Variants in VPS4B observed in about 807,000 individuals in gnomAD.
VPS4B encodes the protein vacuolar protein sorting-associated protein 4B.
In VPS4B, 23 loss-of-function variants were observed where a neutral mutation model predicts 56.1. That is an observed-to-expected ratio of 0.41 (90% CI 0.30 to 0.58). The LOEUF is 0.58. VPS4B is among the 20% of genes least tolerant of loss of function. The pLI, the probability that VPS4B is intolerant of heterozygous loss-of-function variation, is 0.29. For synonymous variants in VPS4B, 177 were observed against 186.0 expected (o/e 0.95, Z 0.39); for missense variants, 372 against 531.9 (o/e 0.70, Z 2.96).
Position 63,397,253 on chromosome 18 carries a change from T to C in VPS4B, c.873A>G (p.Arg291=). 6.3e-7 allele frequency: 1 copy of C among 1,595,882 alleles called. No homozygotes were observed. The highest frequency in any genetic ancestry group is 8.5e-7 in the Non-Finnish European group (1 of 1,172,732). Residue 291 remains arginine, a splice_region_variant and synonymous_variant, in exon 9 of 11, where the codon AGA becomes AGG. Coordinates refer to ENST00000238497, the MANE Select transcript of VPS4B (RefSeq NM_004869.4). ...PWVLDSAIRR[R]FEKRIYIPLP... ...AGGGAATATAAATTCGTTTCTCAAA[T>C]CTTAAAAGAGAAATTACATCAAGAA...
In VPS4B at chr18:63,422,434, C is replaced by A. The variant is rs746708456; in HGVS notation, c.-175G>T. On this transcript the variant is annotated 5_prime_UTR_variant, in exon 1 of 11. Transcript: ENST00000238497. ...TTAGACAACACTCTCTCCACCAGAG[C>A]TCCGACCCTCCCCACCAAACTTCCG... 4.0e-5 allele frequency: 19 copies of A among 476,670 alleles called. No homozygotes were observed. Among genetic ancestry groups the A allele is most frequent in the African/African-American group, 1.8e-4 (9 of 49,706 alleles). 29.5% of individuals were successfully genotyped at this position (476,670 alleles called of 1,614,324 possible).
rs554047513 is a variant in VPS4B, at chr18:63,389,991, T to G, written c.*984A>C. Reference sequence around the variant, plus strand: ...CAATGTCTAATTTAGAAAATCTTCCTCTTGAGATTGCACAGTGAAAGGTAT... The same window carrying G: ...CAATGTCTAATTTAGAAAATCTTCCGCTTGAGATTGCACAGTGAAAGGTAT... On this transcript the variant is annotated 3_prime_UTR_variant, in exon 11 of 11. Coordinates refer to ENST00000238497, the MANE Select transcript of VPS4B (RefSeq NM_004869.4). 1.3e-5 allele frequency: 2 copies of G among 152,746 alleles called. No homozygotes were observed. The highest frequency in any genetic ancestry group is 1.3e-4 in the Admixed American group (2 of 15,302). 9.5% of individuals were successfully genotyped at this position (152,746 alleles called of 1,614,324 possible).
At chr18:63,391,113 AAT>A (rs1568081816) in intron 10 of VPS4B, 37 bp from the exon 11 acceptor site, 1 of 1,356,448 alleles carries the variant, frequency 7.4e-7, no homozygotes, top group Non-Finnish European at 1.0e-6. Context: ...GGATATTAAT[AAT>A]AGAGTTAACA....
At chr18:63,420,677 T>C (rs1568093166) in intron 1 of VPS4B, among the ~76,000 whole-genome samples, 2 of 152,066 alleles carry the variant, frequency 1.3e-5, no homozygotes, top group Non-Finnish European at 2.9e-5. Flanking sequence ...CCTTTCCAAA[T>C]AGGACTACAA....
At chr18:63,410,910 TC>T (rs1169851212) in intron 2 of VPS4B, among the ~76,000 whole-genome samples, 1 of 152,214 alleles carries the variant, frequency 6.6e-6, no homozygotes, top group Non-Finnish European at 1.5e-5. Context: ...AATACCAACA[TC>T]GTAAATTTTA....
rs1033308071 is a variant in VPS4B at position 63,413,470 on chromosome 18, C to T, written c.28-1892G>A. Reference sequence around the variant, plus strand: ...AGGAGAATTGCTTGAACCCGGGAGGCGGTGGTTGCAGTGAGCCAAGATCAT... The same window carrying T: ...AGGAGAATTGCTTGAACCCGGGAGGTGGTGGTTGCAGTGAGCCAAGATCAT... On this transcript the variant is annotated intron_variant, in intron 1 of 10. Transcript: ENST00000238497. Among the ~76,000 whole-genome samples the T allele has an allele frequency of 8.7e-5, 13 of 148,648 alleles. No homozygotes were observed. In the East Asian group the frequency reaches 9.9e-4, roughly 11 times the overall value.
chr18:63,419,400 G>C (rs2063903961), intron 1 of VPS4B, among the ~76,000 whole-genome samples: 1 of 151,650 alleles, frequency 6.6e-6, no homozygotes, highest in Non-Finnish European at 1.5e-5. Context: ...CTGGGCAATA[G>C]AGTGAGACTC....
intron 2 of VPS4B, among the ~76,000 whole-genome samples, chr18:63,410,793 T>C (rs1044873465): frequency 4.6e-5 from 7 of 152,190 alleles, no homozygotes; most frequent in African/African-American, 1.7e-4. Context: ...CAAACCCAAT[T>C]ATAAAAAAGA....
chr18:63,415,727 G>A, intron 1 of VPS4B: 1 of 241,366 alleles, frequency 4.1e-6, no homozygotes. Context: ...AGGAGCTGAT[G>A]GAGCTGATGA....
In VPS4B at chr18:63,405,824, CAAAA is replaced by C. The variant is rs373876300; in HGVS notation, c.364+1604_364+1607del. ...ACAAACAAACAAACAAACAAACAAA[CAAAA>C]AAAAAAACTTAGCCGGGCATGGTGG... On this transcript the variant is annotated intron_variant, in intron 4 of 10. Coordinates refer to ENST00000238497, the MANE Select transcript of VPS4B (RefSeq NM_004869.4). Among the ~76,000 whole-genome samples the C allele has an allele frequency of 5.7e-3, 809 of 142,912 alleles. 10 individuals are homozygous for C. The highest frequency in any genetic ancestry group is 0.019 in the African/African-American group (763 of 39,814). The allele number at this position is 142,912 out of a possible 152,430, so 93.8% of individuals were successfully genotyped here. A position where few individuals can be genotyped will look rare whatever the true frequency, so the allele number is the denominator to read the frequency against.
intron 6 of VPS4B, 129 bp from the exon 7 acceptor site, chr18:63,400,325 T>A: frequency 8.8e-7 from 1 of 1,141,952 alleles, no homozygotes; most frequent in Middle Eastern, 3.0e-4. Flanking sequence ...AAAATAAGAA[T>A]GCTACAACTG....
At position 63,411,540 on chromosome 18, in the gene VPS4B, G is replaced by A. The variant is rs1157792314; in HGVS notation, c.66C>T (p.Asp22=). The A allele has an allele frequency of 6.2e-7, 1 of 1,601,992 alleles. No homozygotes were observed. The highest frequency in any genetic ancestry group is 1.1e-5 in the South Asian group (1 of 89,018). Residue 22 remains aspartate (D), a synonymous_variant, in exon 2 of 11, where the codon GAC becomes GAT. Coordinates refer to ENST00000238497, the MANE Select transcript of VPS4B (RefSeq NM_004869.4). The part of the protein sequence containing the change: ...IDLASKAAQE[D]KAGNYEEALQ... ...GGGCTTCTTCGTAGTTCCCAGCCTT[G>A]TCTTCTTGCGCTGCTTTGCTAGCCA...
chr18:63,411,367 C>G, intron 2 of VPS4B, 100 bp downstream of exon 2: 1 of 806,344 alleles, frequency 1.2e-6, no homozygotes, highest in Non-Finnish European at 1.7e-6. Flanking sequence ...ACAAATGGAT[C>G]GTTTAGAATT....
At chr18:63,418,353 CA>C (rs927984177) in intron 1 of VPS4B, among the ~76,000 whole-genome samples, 3 of 152,168 alleles carry the variant, frequency 2.0e-5, no homozygotes, top group Non-Finnish European at 4.4e-5. Context: ...ACACACACAA[CA>C]AATACCCTGA....
intron 9 of VPS4B, among the ~76,000 whole-genome samples, chr18:63,394,715 T>C (rs751940553): frequency 9.2e-5 from 14 of 152,222 alleles, no homozygotes; most frequent in Admixed American, 1.3e-4. Context: ...TCCGCCCACC[T>C]TGGCCTCCCA....
chr18:63,399,474 T>G, intron 7 of VPS4B, 151 bp from the exon 8 acceptor site: 1 of 651,542 alleles, frequency 1.5e-6, no homozygotes, highest in South Asian at 2.0e-5. Flanking sequence ...TTTAATCAAA[T>G]ATCACCTTAC....
chr18:63,412,953 T>A (rs1599365280), intron 1 of VPS4B, among the ~76,000 whole-genome samples: 1 of 152,308 alleles, frequency 6.6e-6, no homozygotes, highest in East Asian at 1.9e-4. Flanking sequence ...AAACTTTTGC[T>A]CTCTGGAAGA....
intron 1 of VPS4B, among the ~76,000 whole-genome samples, chr18:63,412,796 G>A (rs939315290): frequency 6.6e-6 from 1 of 151,962 alleles, no homozygotes; most frequent in African/African-American, 2.4e-5. Context: ...CCAAATAGCA[G>A]GATCACAAGT....
chr18:63,391,086 A>G lies in VPS4B; in HGVS notation c.1234-10T>C. ...ACCGCAACATATCCGACTGTCAGGG[A>G]AAAAGAAGGGTAGGGAGGATATTAA... On this transcript the variant is annotated splice_polypyrimidine_tract_variant and intron_variant, in intron 10 of 10. Transcript: ENST00000238497. The G allele has an allele frequency of 6.4e-7, 1 of 1,564,650 alleles. No homozygotes were observed. The highest frequency in any genetic ancestry group is 8.8e-7 in the Non-Finnish European group (1 of 1,135,802).
Sources: gnomAD v4.1 joint callset for allele counts (sites outside exome capture counted in the v4.1 genomes callset) on GRCh38, gnomAD v4.1.1 for gene constraint, MANE v1.5 for transcripts, NCBI Gene and HGNC (gene_info 2026-07-23, HGNC 2026-07-21) for gene names.